Variants in CCDC182 observed in about 807,000 individuals in gnomAD.
CCDC182 encodes coiled-coil domain containing 182.
In CCDC182, 1 loss-of-function variant was observed where a neutral mutation model predicts 4.6. The observed-to-expected ratio is 0.22, with a 90% confidence interval of 0.08 to 1.02. CCDC182 has a LOEUF of 1.02. CCDC182 is among the 50% of genes least tolerant of loss of function. CCDC182 has a pLI of 0.58. For synonymous variants in CCDC182, 82 were observed against 83.9 expected (o/e 0.98, Z 0.12); for missense variants, 209 against 196.8 (o/e 1.06, Z -0.37).
Position 57,744,579 on chromosome 17 carries a change from G to A in CCDC182, c.*232C>T. ...AAACAGGAAAACAGTTCAAGTGAAA[G>A]TTACAGGGGCCTGACTCAGTACTGG... On this transcript the variant is annotated 3_prime_UTR_variant, in exon 1 of 1. Transcript: ENST00000299415. The A allele has an allele frequency of 2.0e-6, 1 of 501,896 alleles. No individual in the cohort carries two copies. Among genetic ancestry groups the A allele is most frequent in the Non-Finnish European group, 3.5e-6 (1 of 282,294 alleles). The allele number at this position is 501,896 out of a possible 1,614,324, so 31.1% of individuals were successfully genotyped here. A position where few individuals can be genotyped will look rare whatever the true frequency, so the allele number is the denominator to read the frequency against.
Position 57,745,183 on chromosome 17 carries a change from T to C in CCDC182, c.90A>G (p.Gly30=), listed in dbSNP as rs2073272727. The C allele has an allele frequency of 6.4e-7, 1 of 1,550,552 alleles. No individual in the cohort carries two copies. Among genetic ancestry groups the C allele is most frequent in the Non-Finnish European group, 8.7e-7 (1 of 1,146,970 alleles). The change falls in exon 1 of 1, where the codon GGA becomes GGG. Residue 30 remains glycine, a synonymous_variant. Transcript: ENST00000299415. ...KKMIESGLQS[G]DFSLSQSWPS... is the part of the protein sequence containing the mutation. ...GCCATGACTGGGACAGGGAAAAGTC[T>C]CCAGACTGGAGGCCACTCTCTATCA...
rs1481672121 is a variant in CCDC182 at position 57,745,289 on chromosome 17, G to A, written c.-17C>T. On this transcript the variant is annotated 5_prime_UTR_variant, in exon 1 of 1. Coordinates refer to ENST00000299415, the MANE Select transcript of CCDC182 (RefSeq NM_001282544.2). ...GGGTTCCATTGTCTCTTCTACGTTG[G>A]ACAAAGAGAGGAAGCCAAGAGACCA... is the stretch of plus-strand genomic sequence containing the variant. 4 of 1,506,110 alleles carry A rather than the reference G, an allele frequency of 2.7e-6. No individual in the cohort carries two copies. The highest frequency in any genetic ancestry group is 2.7e-6 in the Non-Finnish European group (3 of 1,118,646). 93.3% of individuals were successfully genotyped at this position (1,506,110 alleles called of 1,614,324 possible).
In CCDC182 at chr17:57,745,197, C is replaced by G; in HGVS notation, c.76G>C (p.Gly26Arg). 2 of 1,550,604 alleles carry G rather than the reference C, an allele frequency of 1.3e-6. No homozygotes were observed. Among genetic ancestry groups the G allele is most frequent in the South Asian group, 1.2e-5 (1 of 84,058 alleles). The change falls in exon 1 of 1, where the codon GGC becomes CGC. Residue 26 changes from glycine (G) to arginine (R), a missense_variant. Coordinates refer to ENST00000299415, the MANE Select transcript of CCDC182 (RefSeq NM_001282544.2). Reference sequence around the variant, plus strand: ...AGGGAAAAGTCTCCAGACTGGAGGCCACTCTCTATCATTTTTTTCCCCTGT... The same window carrying G: ...AGGGAAAAGTCTCCAGACTGGAGGCGACTCTCTATCATTTTTTTCCCCTGT... Reference protein sequence around the residue: ...TLQGKKMIESGLQSGDFSLSQ... With the variant: ...TLQGKKMIESRLQSGDFSLSQ...
chr17:57,744,772 AT>A lies in CCDC182; in HGVS notation c.*38del. 7.2e-7 allele frequency: 1 copy of A among 1,379,444 alleles called. No homozygotes were observed. Among genetic ancestry groups the A allele is most frequent in the Non-Finnish European group, 9.8e-7 (1 of 1,017,120 alleles). 85.5% of individuals were successfully genotyped at this position (1,379,444 alleles called of 1,614,324 possible). Reference sequence around the variant, plus strand: ...GGGGTTTCTCCTTCCGTTAAAAAAAATCTTCAACTTGGTGCTTGGCTAGTGC... The same window carrying A: ...GGGGTTTCTCCTTCCGTTAAAAAAAACTTCAACTTGGTGCTTGGCTAGTGC... On this transcript the variant is annotated 3_prime_UTR_variant, in exon 1 of 1. Transcript: ENST00000299415.
Position 57,745,003 on chromosome 17 carries a change from C to T in CCDC182, c.270G>A (p.Gln90=). ...GCCTCACGCGAGCCGCCTGCTCCTC[C>T]TGTTGCACCAGGGCTCCATTCATCT... ...FCEMNGALVQ[Q]EEQAARVRQR... Residue 90 remains glutamine (Q), a synonymous_variant, in exon 1 of 1, where the codon CAG becomes CAA. Coordinates refer to ENST00000299415, the MANE Select transcript of CCDC182 (RefSeq NM_001282544.2). 1 of 1,550,996 alleles carries T rather than the reference C, an allele frequency of 6.4e-7. No homozygotes were observed. Among genetic ancestry groups the T allele is most frequent in the Non-Finnish European group, 8.7e-7 (1 of 1,147,074 alleles).
In CCDC182 at chr17:57,744,737, G is replaced by T; in HGVS notation, c.*74C>A. ...GAAATGAGGAAGGGAAAGCAAGGGG[G>T]TAGGGACTTGGGGTTTCTCCTTCCG... On this transcript the variant is annotated 3_prime_UTR_variant, in exon 1 of 1. Coordinates refer to ENST00000299415, the MANE Select transcript of CCDC182 (RefSeq NM_001282544.2). The T allele has an allele frequency of 1.0e-6, 1 of 956,856 alleles. No homozygotes were observed. The highest frequency in any genetic ancestry group is 1.6e-6 in the Non-Finnish European group (1 of 640,896). The allele number at this position is 956,856 out of a possible 1,614,324, so 59.3% of individuals were successfully genotyped here. A position where few individuals can be genotyped will look rare whatever the true frequency, so the allele number is the denominator to read the frequency against.
chr17:57,744,903 G>A lies in CCDC182; in HGVS notation c.370C>T (p.Gln124Ter), dbSNP rs1285031065. Residue 124 changes from glutamine (Q) to a stop codon, truncating the protein, a stop_gained, in exon 1 of 1, where the codon CAG becomes TAG. Coordinates refer to ENST00000299415, the MANE Select transcript of CCDC182 (RefSeq NM_001282544.2). LOFTEE classifies it low-confidence loss of function (END_TRUNC). ...AGCCGCTTGCAGTGCTCCCGGAGCT[G>A]TTTCTCGCGCGGCAACAGGAAGGTG... is the stretch of plus-strand genomic sequence containing the variant. The part of the protein sequence containing the change: ...VLTFLLPREK[Q>*]LREHCKRLED... The A allele has an allele frequency of 1.3e-6, 2 of 1,550,482 alleles. No individual in the cohort carries two copies. Among genetic ancestry groups the A allele is most frequent in the African/African-American group, 2.7e-5 (2 of 73,040 alleles).
chr17:57,744,996 GCTC>G lies in CCDC182; in HGVS notation c.274_276del (p.Glu92del), dbSNP rs1461971156. On this transcript the variant is annotated inframe_deletion, in exon 1 of 1. Coordinates refer to ENST00000299415, the MANE Select transcript of CCDC182 (RefSeq NM_001282544.2). ...AGCCGCTGCCTCACGCGAGCCGCCT[GCTC>G]CTCCTGTTGCACCAGGGCTCCATTC... 9.7e-6 allele frequency: 15 copies of G among 1,550,958 alleles called. No homozygotes were observed. Among genetic ancestry groups the G allele is most frequent in the Non-Finnish European group, 1.2e-5 (14 of 1,147,062 alleles).
chr17:57,744,911 C>G lies in CCDC182; in HGVS notation c.362G>C (p.Arg121Pro). 1 of 1,550,596 alleles carries G rather than the reference C, an allele frequency of 6.4e-7. No individual in the cohort carries two copies. Among genetic ancestry groups the G allele is most frequent in the Non-Finnish European group, 8.7e-7 (1 of 1,147,006 alleles). Residue 121 changes from arginine to proline, a missense_variant, in exon 1 of 1, where the codon CGC (arginine) becomes CCC (proline). Transcript: ENST00000299415. ...GCAGTGCTCCCGGAGCTGTTTCTCG[C>G]GCGGCAACAGGAAGGTGAGAACCTT... ...RNKVLTFLLP[R>P]EKQLREHCKR...
chr17:57,744,701 G>C lies in CCDC182; in HGVS notation c.*110C>G. ...TCAGCAAGGTGTTATTTAGGCAGAA[G>C]GAAAGCAATGGAAATGAGGAAGGGA... On this transcript the variant is annotated 3_prime_UTR_variant, in exon 1 of 1. Transcript: ENST00000299415. 1.4e-6 allele frequency: 1 copy of C among 699,502 alleles called. No homozygotes were observed. Among genetic ancestry groups the C allele is most frequent in the East Asian group, 2.7e-5 (1 of 36,592 alleles). The allele number at this position is 699,502 out of a possible 1,614,324, so 43.3% of individuals were successfully genotyped here. A position where few individuals can be genotyped will look rare whatever the true frequency, so the allele number is the denominator to read the frequency against.
In CCDC182 at chr17:57,745,016, G is replaced by T; in HGVS notation, c.257C>A (p.Ala86Asp). 2 of 1,550,980 alleles carry T rather than the reference G, an allele frequency of 1.3e-6. No individual in the cohort carries two copies. Among genetic ancestry groups the T allele is most frequent in the Non-Finnish European group, 1.7e-6 (2 of 1,147,080 alleles). The change falls in exon 1 of 1, where the codon GCC becomes GAC. Residue 86 changes from alanine (A) to aspartate (D), a missense_variant. Coordinates refer to ENST00000299415, the MANE Select transcript of CCDC182 (RefSeq NM_001282544.2). ...CGCCTGCTCCTCCTGTTGCACCAGGGCTCCATTCATCTCGCAGAAGGCGTC... is the reference window on the plus strand; with the variant it reads ...CGCCTGCTCCTCCTGTTGCACCAGGTCTCCATTCATCTCGCAGAAGGCGTC... ...LEDAFCEMNG[A>D]LVQQEEQAAR...
chr17:57,744,857 CT>C lies in CCDC182; in HGVS notation c.415del (p.Arg139GlyfsTer22), dbSNP rs370838669. On this transcript the variant is annotated frameshift_variant, in exon 1 of 1. Coordinates refer to ENST00000299415, the MANE Select transcript of CCDC182 (RefSeq NM_001282544.2). LOFTEE classifies it low-confidence loss of function (END_TRUNC). ...CKRLEDLLLD[R>X]GRDALRATKK... is the part of the protein sequence containing the mutation. ...GGTGGCACGCAGGGCGTCACGTCCC[CT>C]GTCCAGCAGCAGGTCCTCCAGCCGC... 28 of 1,549,356 alleles carry C rather than the reference CT, an allele frequency of 1.8e-5. No homozygotes were observed. The highest frequency in any genetic ancestry group is 1.1e-4 in the African/African-American group (8 of 73,026).
At position 57,744,954 on chromosome 17, in the gene CCDC182, G is replaced by A. The variant is rs755986179; in HGVS notation, c.319C>T (p.Arg107Cys). The A allele has an allele frequency of 6.4e-7, 1 of 1,550,678 alleles. No homozygotes were observed. The highest frequency in any genetic ancestry group is 8.7e-7 in the Non-Finnish European group (1 of 1,147,014). Residue 107 changes from arginine (R) to cysteine (C), a missense_variant, in exon 1 of 1, where the codon CGT becomes TGT. Physicochemically the swap from Arg to Cys is radical, Grantham distance 180. Transcript: ENST00000299415. ...VRQRLREEEDRGIVRNKVLTF... is the reference protein window; with the variant it reads ...VRQRLREEEDCGIVRNKVLTF... ...AGAACCTTGTTGCGCACGATGCCAC[G>A]GTCCTCCTCCTCCCTTAGCCGCTGC...
chr17:57,744,957 C>G lies in CCDC182; in HGVS notation c.316G>C (p.Asp106His). 6.4e-7 allele frequency: 1 copy of G among 1,550,684 alleles called. No individual in the cohort carries two copies. Among genetic ancestry groups the G allele is most frequent in the South Asian group, 1.2e-5 (1 of 84,058 alleles). ...RVRQRLREEE[D>H]RGIVRNKVLT... is the part of the protein sequence containing the mutation. ...ACCTTGTTGCGCACGATGCCACGGT[C>G]CTCCTCCTCCCTTAGCCGCTGCCTC... Residue 106 changes from aspartate to histidine, a missense_variant, in exon 1 of 1, where the codon GAC becomes CAC. Asp to His is a moderately conservative substitution (Grantham distance 81). Coordinates refer to ENST00000299415, the MANE Select transcript of CCDC182 (RefSeq NM_001282544.2).
At position 57,744,507 on chromosome 17, in the gene CCDC182, T is replaced by G; in HGVS notation, c.*304A>C. 3.8e-6 allele frequency: 1 copy of G among 266,330 alleles called. No homozygotes were observed. The highest frequency in any genetic ancestry group is 7.2e-6 in the Non-Finnish European group (1 of 139,690). The allele number at this position is 266,330 out of a possible 1,614,324, so 16.5% of individuals were successfully genotyped here. On this transcript the variant is annotated 3_prime_UTR_variant, in exon 1 of 1. Transcript: ENST00000299415. ...ATGTTCAACACAATCAGTTTAAGAA[T>G]ATACTATACAAATAAAGAGGTATAC...
At position 57,745,232 on chromosome 17, in the gene CCDC182, A is replaced by G. The variant is rs1293833378; in HGVS notation, c.41T>C (p.Val14Ala). The G allele has an allele frequency of 6.5e-7, 1 of 1,549,794 alleles. No individual in the cohort carries two copies. The highest frequency in any genetic ancestry group is 8.7e-7 in the Non-Finnish European group (1 of 1,146,316). ...CATTTTTTTCCCCTGTAGGGTATTC[A>G]CCGTCATGAGAATGGACCCAGCCTG... is the stretch of plus-strand genomic sequence containing the variant. ...LYQAGSILMT[V>A]NTLQGKKMIE... is the part of the protein sequence containing the mutation. The change falls in exon 1 of 1, where the codon GTG becomes GCG. Residue 14 changes from valine to alanine, a missense_variant. Transcript: ENST00000299415.
Position 57,745,138 on chromosome 17 carries a change from G to C in CCDC182, c.135C>G (p.Pro45=). 1 of 1,550,688 alleles carries C rather than the reference G, an allele frequency of 6.4e-7. No individual in the cohort carries two copies. The highest frequency in any genetic ancestry group is 2.4e-5 in the East Asian group (1 of 40,918). ...TCTGCTGCAGGATCTCCAAGTCAGCGGGTGGTGGGAGGCAGGAGGGCCATG... is the reference window on the plus strand; with the variant it reads ...TCTGCTGCAGGATCTCCAAGTCAGCCGGTGGTGGGAGGCAGGAGGGCCATG... ...SQSWPSCLPP[P]ADLEILQQKV... Residue 45 remains proline (P), a synonymous_variant, in exon 1 of 1, where the codon CCC becomes CCG. Transcript: ENST00000299415.
chr17:57,744,912 G>A lies in CCDC182; in HGVS notation c.361C>T (p.Arg121Cys). The A allele has an allele frequency of 6.4e-7, 1 of 1,550,602 alleles. No homozygotes were observed. The highest frequency in any genetic ancestry group is 8.7e-7 in the Non-Finnish European group (1 of 1,147,010). ...CAGTGCTCCCGGAGCTGTTTCTCGC[G>A]CGGCAACAGGAAGGTGAGAACCTTG... is the stretch of plus-strand genomic sequence containing the variant. The part of the protein sequence containing the change: ...RNKVLTFLLP[R>C]EKQLREHCKR... Residue 121 changes from arginine (R) to cysteine (C), a missense_variant, in exon 1 of 1, where the codon CGC becomes TGC. Physicochemically the swap from Arg to Cys is radical, Grantham distance 180. Coordinates refer to ENST00000299415, the MANE Select transcript of CCDC182 (RefSeq NM_001282544.2).
chr17:57,745,207 C>T lies in CCDC182; in HGVS notation c.66G>A (p.Met22Ile). The T allele has an allele frequency of 6.4e-7, 1 of 1,550,542 alleles. No individual in the cohort carries two copies. Among genetic ancestry groups the T allele is most frequent in the Non-Finnish European group, 8.7e-7 (1 of 1,146,880 alleles). ...CTCCAGACTGGAGGCCACTCTCTAT[C>T]ATTTTTTTCCCCTGTAGGGTATTCA... The part of the protein sequence containing the change: ...MTVNTLQGKK[M>I]IESGLQSGDF... The change falls in exon 1 of 1, where the codon ATG becomes ATA. Residue 22 changes from methionine (M) to isoleucine (I), a missense_variant. Coordinates refer to ENST00000299415, the MANE Select transcript of CCDC182 (RefSeq NM_001282544.2).
Sources: allele counts gnomAD v4.1 joint callset, GRCh38; gene constraint gnomAD v4.1.1; transcripts MANE v1.5; gene names NCBI Gene and HGNC (gene_info 2026-07-23, HGNC 2026-07-21).